The following CNTN5 variants were observed in gnomAD, a reference collection of about 807,000 sequenced individuals.
CNTN5 encodes the protein contactin 5, also known as contactin-5.
CNTN5 carries 77 observed loss-of-function variants against 129.1 expected under a neutral mutation model. That is an observed-to-expected ratio of 0.60 (90% confidence interval 0.50 to 0.72). CNTN5 has a LOEUF of 0.72. CNTN5 is among the 30% of genes least tolerant of loss of function. The pLI is 0.00. For missense variants in CNTN5, 1,478 were observed against 1,328.8 expected (o/e 1.11, Z -1.75); for synonymous variants, 509 against 465.6 (o/e 1.09, Z -1.20).
intron 15 of CNTN5, among the ~76,000 whole-genome samples, chr11:100,200,665 T>A (rs1392739936): frequency 6.6e-6 from 1 of 151,860 alleles, no homozygotes. Flanking sequence ...ATCAATACCT[T>A]GGATTCTGTA....
intron 2 of CNTN5, among the ~76,000 whole-genome samples, chr11:99,518,381 C>G (rs1279198793): frequency 6.6e-6 from 1 of 152,040 alleles, no homozygotes; most frequent in African/African-American, 2.4e-5. Flanking sequence ...ATATAGAAAA[C>G]ATTTATCAAC....
intron 1 of CNTN5, among the ~76,000 whole-genome samples, chr11:99,023,002 C>T (rs1036071580): frequency 3.9e-5 from 6 of 152,232 alleles, no homozygotes; most frequent in East Asian, 1.9e-4. Context: ...AACTAAATGC[C>T]GGACTTTGTC....
At chr11:99,537,449 C>T (rs1947943193) in intron 2 of CNTN5, among the ~76,000 whole-genome samples, 1 of 152,062 alleles carries the variant, frequency 6.6e-6, no homozygotes, top group African/African-American at 2.4e-5. Context: ...ACTAGATTCA[C>T]TGAAAAGGAA....
chr11:99,806,965 G>A (rs1401660910), intron 3 of CNTN5, among the ~76,000 whole-genome samples: 1 of 152,034 alleles, frequency 6.6e-6, no homozygotes, highest in Non-Finnish European at 1.5e-5. Flanking sequence ...TACGGTAAAT[G>A]AAATCCTTAA....
chr11:99,500,994 A>T (rs1405856556), intron 2 of CNTN5, among the ~76,000 whole-genome samples: 2 of 152,132 alleles, frequency 1.3e-5, no homozygotes, highest in Non-Finnish European at 2.9e-5. Flanking sequence ...CACAGTGAAG[A>T]TCCTTGATAT....
intron 20 of CNTN5, among the ~76,000 whole-genome samples, chr11:100,301,875 T>C (rs1343118776): frequency 6.6e-6 from 1 of 151,640 alleles, no homozygotes; most frequent in African/African-American, 2.4e-5. Context: ...TATTCTATAT[T>C]CTAAAACATT....
chr11:100,055,999 G>C (rs1171018292), intron 9 of CNTN5, among the ~76,000 whole-genome samples: 2 of 151,454 alleles, frequency 1.3e-5, no homozygotes, highest in Non-Finnish European at 3.0e-5. Context: ...GCCTCATTCT[G>C]TATATGAAGC....
At chr11:99,564,788 A>G (rs1948950594) in intron 3 of CNTN5, among the ~76,000 whole-genome samples, 1 of 152,172 alleles carries the variant, frequency 6.6e-6, no homozygotes, top group Non-Finnish European at 1.5e-5. Flanking sequence ...GGAAGAAGAC[A>G]ATACGGTCCA....
chr11:100,226,887 C>G (rs1949386156), intron 16 of CNTN5, among the ~76,000 whole-genome samples: 1 of 152,044 alleles, frequency 6.6e-6, no homozygotes, highest in African/African-American at 2.4e-5. Context: ...TCTCCCTTCT[C>G]ACACTCCTCC....
intron 3 of CNTN5, among the ~76,000 whole-genome samples, chr11:99,673,752 T>A (rs953567006): frequency 6.3e-5 from 6 of 95,882 alleles, no homozygotes; most frequent in Non-Finnish European, 1.3e-4. Flanking sequence ...CAGCTCCACC[T>A]GTGTCCCTGC....
intron 3 of CNTN5, among the ~76,000 whole-genome samples, chr11:99,682,589 A>G (rs1565422729): frequency 6.6e-6 from 1 of 151,998 alleles, no homozygotes; most frequent in Non-Finnish European, 1.5e-5. Context: ...AAAGTATACC[A>G]AAAAATGAAA....
At chr11:99,755,590 G>A (rs1944380092) in intron 3 of CNTN5, among the ~76,000 whole-genome samples, 1 of 151,656 alleles carries the variant, frequency 6.6e-6, no homozygotes, top group Non-Finnish European at 1.5e-5. Context: ...ACATTTAAAT[G>A]TTCTTTGTAC....
intron 2 of CNTN5, among the ~76,000 whole-genome samples, chr11:99,343,299 AGGTAT>A (rs1356189247): frequency 1.3e-5 from 2 of 152,204 alleles, no homozygotes; most frequent in Non-Finnish European, 2.9e-5. Flanking sequence ...GGATTAGAAT[AGGTAT>A]GTGTTGCTCC....
chr11:100,191,084 G>T (rs762567122), intron 13 of CNTN5, 42 bp from the exon 14 acceptor site: 7 of 1,399,770 alleles, frequency 5.0e-6, no homozygotes, highest in South Asian at 2.6e-5. Flanking sequence ...TTAGCTGATT[G>T]CAGTAAAACA....
chr11:99,628,403 C>T (rs1399849822), intron 3 of CNTN5, among the ~76,000 whole-genome samples: 1 of 151,918 alleles, frequency 6.6e-6, no homozygotes, highest in Non-Finnish European at 1.5e-5. Context: ...GGAAATTATG[C>T]CAGTGTTAAA....
At chr11:99,984,140 G>T (rs1281313833) in intron 8 of CNTN5, among the ~76,000 whole-genome samples, 1 of 152,120 alleles carries the variant, frequency 6.6e-6, no homozygotes, top group African/African-American at 2.4e-5. Flanking sequence ...AGCTGGGCAT[G>T]GTGGTACATG....
intron 1 of CNTN5, among the ~76,000 whole-genome samples, chr11:99,264,727 A>G (rs184287619): frequency 6.6e-6 from 1 of 152,250 alleles, no homozygotes; most frequent in East Asian, 1.9e-4. Context: ...TACAAAGTTC[A>G]TAAACTTGAT....
chr11:100,058,297 A>C (rs1349832554), intron 9 of CNTN5, among the ~76,000 whole-genome samples: 1 of 152,116 alleles, frequency 6.6e-6, no homozygotes, highest in East Asian at 1.9e-4. Context: ...CAGTATATGA[A>C]GGCAAATATA....
At chr11:99,696,754 G>A (rs955939810) in intron 3 of CNTN5, among the ~76,000 whole-genome samples, 3 of 151,920 alleles carry the variant, frequency 2.0e-5, no homozygotes, top group Admixed American at 6.6e-5. Context: ...GATTTCAGAT[G>A]ATGTTATTGG....
Sources: gnomAD v4.1 joint callset for allele counts (sites outside exome capture counted in the v4.1 genomes callset) on GRCh38, gnomAD v4.1.1 for gene constraint, MANE v1.5 for transcripts, NCBI Gene and HGNC (gene_info 2026-07-23, HGNC 2026-07-21) for gene names.